Variants in EDEM3 observed in about 807,000 individuals in gnomAD.
The protein encoded by EDEM3 is ER degradation enhancing alpha-mannosidase like protein 3.
Under a neutral mutation model 110.2 loss-of-function variants are expected in EDEM3, and 60 were observed. The observed-to-expected ratio is 0.54, with a 90% CI of 0.44 to 0.67. The LOEUF (loss-of-function observed/expected upper bound fraction) is 0.67. EDEM3 is among the 30% of genes least tolerant of loss of function. The pLI, the probability that EDEM3 is intolerant of heterozygous loss-of-function variation, is 0.00. For synonymous variants in EDEM3, 352 were observed against 382.9 expected, an observed-to-expected ratio of 0.92 and a Z score of 0.94; for missense variants, 996 against 1,121.0, an observed-to-expected ratio of 0.89 and a Z score of 1.59.
chr1:184,750,639 A>G (rs1036644551), intron 1 of EDEM3, among the ~76,000 whole-genome samples: 1 of 151,384 alleles, frequency 6.6e-6, no homozygotes, highest in Non-Finnish European at 1.5e-5. Context: ...CAGCCTCCCG[A>G]GTAGCTGGGA....
At chr1:184,752,486 T>TAAGG (rs1352614104) in intron 1 of EDEM3, among the ~76,000 whole-genome samples, 1 of 152,224 alleles carries the variant, frequency 6.6e-6, no homozygotes, top group Non-Finnish European at 1.5e-5. Context: ...ACCCTACCCT[T>TAAGG]ACTCAAGGGT....
intron 6 of EDEM3, among the ~76,000 whole-genome samples, chr1:184,728,198 TATAA>T (rs1389122172): frequency 3.3e-5 from 5 of 152,112 alleles, no homozygotes. Context: ...AAGACAGATA[TATAA>T]ATAGAGAAAA....
chr1:184,744,951 G>A (rs773058818), intron 2 of EDEM3, among the ~76,000 whole-genome samples: 5 of 152,048 alleles, frequency 3.3e-5, no homozygotes, highest in Non-Finnish European at 7.4e-5. Context: ...CACAAATCAA[G>A]GTTGCTAGGC....
chr1:184,712,436 G>A lies in EDEM3; in HGVS notation c.1533C>T (p.Asn511=). ...GACATTTCATTTAAAAACTCACTGT[G>A]TTCTTTTTAGAGATGCTTTGATTTG... ...STTNQSISKK[N]TTSEYTELDD... Residue 511 remains asparagine, a synonymous_variant, in exon 14 of 20, where the codon AAC becomes AAT. Coordinates refer to ENST00000318130, the MANE Select transcript of EDEM3 (RefSeq NM_025191.4). The A allele has an allele frequency of 6.3e-7, 1 of 1,585,000 alleles. No individual in the cohort carries two copies. Among genetic ancestry groups the A allele is most frequent in the Non-Finnish European group, 8.5e-7 (1 of 1,172,010 alleles).
intron 19 of EDEM3, among the ~76,000 whole-genome samples, chr1:184,700,109 G>A (rs1649537894): frequency 6.6e-6 from 1 of 151,938 alleles, no homozygotes; most frequent in Non-Finnish European, 1.5e-5. Flanking sequence ...TTGACCTAAG[G>A]AAGCAACATC....
At chr1:184,695,982 T>C (rs1429893531) in intron 19 of EDEM3, among the ~76,000 whole-genome samples, 1 of 151,968 alleles carries the variant, frequency 6.6e-6, no homozygotes, top group Non-Finnish European at 1.5e-5. Flanking sequence ...GTCTCTGACC[T>C]TCCCCTGCCT....
intron 4 of EDEM3, among the ~76,000 whole-genome samples, chr1:184,736,695 T>C (rs1196864689): frequency 6.6e-6 from 1 of 152,170 alleles, no homozygotes; most frequent in East Asian, 1.9e-4. Flanking sequence ...TGGCATGTCA[T>C]TATGGAACAA....
At chr1:184,711,620 C>A in intron 15 of EDEM3, 103 bp downstream of exon 15, 1 of 1,050,198 alleles carries the variant, frequency 9.5e-7, no homozygotes, top group Admixed American at 2.9e-5. Flanking sequence ...CATTTTCGGC[C>A]TATGTGAATG....
chr1:184,754,627 C>T lies in EDEM3; in HGVS notation c.20G>A (p.Arg7Gln), dbSNP rs752781403. The T allele has an allele frequency of 6.3e-6, 10 of 1,590,600 alleles. No individual in the cohort carries two copies. The highest frequency in any genetic ancestry group is 1.3e-5 in the African/African-American group (1 of 74,260). Residue 7 changes from arginine to glutamine, a missense_variant, in exon 1 of 20, where the codon CGG (arginine) becomes CAG (glutamine). Coordinates refer to ENST00000318130, the MANE Select transcript of EDEM3 (RefSeq NM_025191.4). MSEAGG[R>Q]GCGSPVPQRA... The stretch of plus-strand genomic sequence containing the variant: ...CTGGGGAACCGGGGACCCACAGCCC[C>T]GGCCGCCGGCTTCGCTCATGGCCCC...
chr1:184,702,796 G>A lies in EDEM3; in HGVS notation c.2389+15C>T, dbSNP rs1649695787. On this transcript the variant is annotated intron_variant, in intron 19 of 19. Transcript: ENST00000318130. ...ATTACGCTGCATAAAAAAACAAATG[G>A]TATTTTACTCTTACCTCGATCTTTT... 3 of 1,537,086 alleles carry A rather than the reference G, an allele frequency of 2.0e-6. No homozygotes were observed. The highest frequency in any genetic ancestry group is 2.6e-6 in the Non-Finnish European group (3 of 1,143,838).
Position 184,694,015 on chromosome 1 carries a change from C to G in EDEM3, c.*48G>C. 2 of 1,564,510 alleles carry G rather than the reference C, an allele frequency of 1.3e-6. No homozygotes were observed. Among genetic ancestry groups the G allele is most frequent in the South Asian group, 2.4e-5 (2 of 82,510 alleles). On this transcript the variant is annotated 3_prime_UTR_variant, in exon 20 of 20. Transcript: ENST00000318130. ...TATTAGGATGTCTATTAACCACACACAGTTTACCTTTTCTTTTTAAATACC... is the reference window on the plus strand; with the variant it reads ...TATTAGGATGTCTATTAACCACACAGAGTTTACCTTTTCTTTTTAAATACC...
In EDEM3 at chr1:184,704,149, T is replaced by C. The variant is rs187744073; in HGVS notation, c.2204-1153A>G. 2.3e-4 allele frequency among the ~76,000 whole-genome samples: 35 copies of C among 152,310 alleles called. 1 individual carries two copies. Among genetic ancestry groups the C allele is most frequent in the Admixed American group, 2.2e-3 (34 of 15,302 alleles). ...TAATTCACTAAAAATAATCCATTTC[T>C]GTGTAGTGAAAAAACCTCCCTTCTT... On this transcript the variant is annotated intron_variant, in intron 18 of 19. Coordinates refer to ENST00000318130, the MANE Select transcript of EDEM3 (RefSeq NM_025191.4).
At chr1:184,747,877 A>G (rs1652521499) in intron 2 of EDEM3, among the ~76,000 whole-genome samples, 1 of 152,242 alleles carries the variant, frequency 6.6e-6, no homozygotes, top group South Asian at 2.1e-4. Flanking sequence ...AAAGAACAAG[A>G]TATTAAAGAT....
In EDEM3 at chr1:184,694,136, G is replaced by A. The variant is rs923981838; in HGVS notation, c.2726C>T (p.Pro909Leu). 1.2e-6 allele frequency: 2 copies of A among 1,613,352 alleles called. No homozygotes were observed. Among genetic ancestry groups the A allele is most frequent in the Non-Finnish European group, 8.5e-7 (1 of 1,179,614 alleles). ...PNVSWGKKVQ[P>L]IDSILADWNE... Reference sequence around the variant, plus strand: ...CCAGTCTGCTAATATGGAGTCTATAGGCTGGACCTTTTTACCCCAGCTAAC... The same window carrying A: ...CCAGTCTGCTAATATGGAGTCTATAAGCTGGACCTTTTTACCCCAGCTAAC... Residue 909 changes from proline to leucine, a missense_variant, in exon 20 of 20, where the codon CCT becomes CTT. Transcript: ENST00000318130.
At chr1:184,703,614 C>A (rs1237941422) in intron 18 of EDEM3, among the ~76,000 whole-genome samples, 6 of 152,136 alleles carry the variant, frequency 3.9e-5, no homozygotes, top group Admixed American at 6.6e-5. Context: ...AGTAGTAGTA[C>A]CAGCAACATG....
chr1:184,735,867 C>G (rs1473569769), intron 4 of EDEM3, among the ~76,000 whole-genome samples: 1 of 152,174 alleles, frequency 6.6e-6, no homozygotes, highest in Non-Finnish European at 1.5e-5. Context: ...TCTAATTCTT[C>G]TCCCTGGGTT....
chr1:184,694,513 A>C (rs1234202030), intron 19 of EDEM3, 41 bp from the exon 20 acceptor site: 4 of 1,511,766 alleles, frequency 2.6e-6, no homozygotes, highest in South Asian at 1.3e-5. Context: ...CTTCTCTAAA[A>C]AAATGTACTA....
Position 184,694,100 on chromosome 1 carries a change from A to G in EDEM3, c.2762T>C (p.Ile921Thr), listed in dbSNP as rs777464237. The G allele has an allele frequency of 6.2e-7, 1 of 1,613,096 alleles. No individual in the cohort carries two copies. Among genetic ancestry groups the G allele is most frequent in the Admixed American group, 1.7e-5 (1 of 59,866 alleles). ...DSILADWNED[I>T]EAFEMMEKDE... Reference sequence around the variant, plus strand: ...CTTCTCCATCATTTCAAATGCTTCTATATCTTCATTCCAGTCTGCTAATAT... The same window carrying G: ...CTTCTCCATCATTTCAAATGCTTCTGTATCTTCATTCCAGTCTGCTAATAT... The change falls in exon 20 of 20, where the codon ATA (isoleucine) becomes ACA (threonine). Residue 921 changes from isoleucine (I) to threonine (T), a missense_variant. This residue lies in a region of EDEM3 where 345 missense variants were observed against 402.0 expected (regional missense o/e 0.86). Coordinates refer to ENST00000318130, the MANE Select transcript of EDEM3 (RefSeq NM_025191.4).
chr1:184,740,589 CT>C (rs1652081600), intron 2 of EDEM3, among the ~76,000 whole-genome samples: 1 of 152,182 alleles, frequency 6.6e-6, no homozygotes, highest in African/African-American at 2.4e-5. Flanking sequence ...TGTATGTTGC[CT>C]CCTAGTCGCC....
Sources: allele counts gnomAD v4.1 joint callset (sites outside exome capture counted in the v4.1 genomes callset), GRCh38; gene constraint gnomAD v4.1.1; regional missense constraint gnomAD v4.1.1; transcripts MANE v1.5; gene names NCBI Gene and HGNC (gene_info 2026-07-23, HGNC 2026-07-21).